Variants in KLRG1 observed in about 807,000 individuals in gnomAD.
KLRG1 encodes killer cell lectin like receptor G1.
In KLRG1, 16 loss-of-function variants were observed where a neutral mutation model predicts 21.8. That is an observed-to-expected ratio of 0.73 (90% CI 0.50 to 1.11). KLRG1 has a LOEUF of 1.11. Among genes scored for constraint, KLRG1 ranks in the 50% most tolerant of loss-of-function variants. The pLI, the probability that KLRG1 is intolerant of heterozygous loss-of-function variation, is 0.00. For missense variants in KLRG1, 173 were observed against 218.3 expected (o/e 0.79, Z 1.31); for synonymous variants, 69 against 75.9 (o/e 0.91, Z 0.47).
At chr12:8,966,559 A>G (rs2137237696) in intron 1 of KLRG1, among the ~76,000 whole-genome samples, 1 of 152,366 alleles carries the variant, frequency 6.6e-6, no homozygotes, top group South Asian at 2.1e-4. Context: ...GAAGGCATTT[A>G]TGCAGCCAAA....
the KLRG1 span, among the ~76,000 whole-genome samples, chr12:9,137,286 A>G: frequency 6.6e-6 from 1 of 152,114 alleles, no homozygotes; most frequent in African/African-American, 2.4e-5. Flanking sequence ...TGAAGGGACT[A>G]TCCATTCCCC....
the KLRG1 span, chr12:9,165,021 C>A: frequency 4.1e-5 from 50 of 1,212,152 alleles, no homozygotes; most frequent in Non-Finnish European, 3.8e-5. Flanking sequence ...TAATTATTCA[C>A]AGTGCTAACA....
chr12:9,175,520 C>T, the KLRG1 span, among the ~76,000 whole-genome samples: 3 of 152,094 alleles, frequency 2.0e-5, no homozygotes, highest in African/African-American at 4.8e-5. Context: ...TTAGAGTGAA[C>T]AGACAACTTT....
chr12:9,169,619 A>G, the KLRG1 span: 2 of 1,549,374 alleles, frequency 1.3e-6, no homozygotes, highest in Non-Finnish European at 1.7e-6. Flanking sequence ...TCAAAGGCAG[A>G]ACTGTTACTT....
intron 3 of KLRG1, among the ~76,000 whole-genome samples, chr12:9,008,427 A>C (rs748341512): frequency 7.2e-5 from 11 of 152,382 alleles, no homozygotes; most frequent in Non-Finnish European, 1.3e-4. Context: ...TACAGCTAAC[A>C]CATCTTTAGA....
At chr12:9,116,993 A>T in the KLRG1 span, among the ~76,000 whole-genome samples, 2 of 152,170 alleles carry the variant, frequency 1.3e-5, no homozygotes, top group African/African-American at 4.8e-5. Flanking sequence ...AGAGCACATA[A>T]CCCAGACCTG....
the KLRG1 span, chr12:9,169,336 G>C: frequency 5.8e-6 from 7 of 1,207,760 alleles, no homozygotes; most frequent in African/African-American, 4.7e-5. Context: ...GAGAGGCAAG[G>C]CTACATAATT....
At chr12:9,099,310 T>C in the KLRG1 span, 3 of 1,446,240 alleles carry the variant, frequency 2.1e-6, no homozygotes, top group Non-Finnish European at 1.9e-6. Flanking sequence ...TGTTCACATG[T>C]GTAAAACAAA....
At chr12:9,019,301 C>A in the KLRG1 span, among the ~76,000 whole-genome samples, 1 of 152,130 alleles carries the variant, frequency 6.6e-6, no homozygotes, top group Non-Finnish European at 1.5e-5. Flanking sequence ...GAAAAGGGAA[C>A]CCTCATACAC....
chr12:9,146,223 C>CT, the KLRG1 span, among the ~76,000 whole-genome samples: 1 of 151,398 alleles, frequency 6.6e-6, no homozygotes, highest in Non-Finnish European at 1.5e-5. Flanking sequence ...ATTTCTTTGT[C>CT]TTTTTTTCTC....
upstream of KLRG1, among the ~76,000 whole-genome samples, chr12:8,984,613 C>CT (rs1364135578): frequency 1.3e-5 from 2 of 152,118 alleles, no homozygotes; most frequent in Non-Finnish European, 2.9e-5. Flanking sequence ...TCACTTGATT[C>CT]TTTTTGGTAG....
At chr12:9,101,089 T>G in the KLRG1 span, 1 of 1,495,350 alleles carries the variant, frequency 6.7e-7, no homozygotes, top group Non-Finnish European at 9.1e-7. Flanking sequence ...TTCCGTGGTG[T>G]AAGGCTGAAT....
At chr12:9,192,264 G>GA in the KLRG1 span, 4 of 1,612,780 alleles carry the variant, frequency 2.5e-6, no homozygotes, top group Admixed American at 6.7e-5. Context: ...GATCTGAAAT[G>GA]AAAAAACAGT....
chr12:9,181,056 G>T, the KLRG1 span: 3 of 1,614,206 alleles, frequency 1.9e-6, no homozygotes, highest in Non-Finnish European at 2.5e-6. Context: ...GGCACAGAGG[G>T]ACTGCGGAGC....
At chr12:9,102,096 A>G in the KLRG1 span, among the ~76,000 whole-genome samples, 1 of 152,232 alleles carries the variant, frequency 6.6e-6, no homozygotes, top group Non-Finnish European at 1.5e-5. Context: ...GGTATTATGA[A>G]TAAATAAAAT....
the KLRG1 span, among the ~76,000 whole-genome samples, chr12:9,118,203 C>T: frequency 3.3e-5 from 5 of 152,158 alleles, no homozygotes; most frequent in Admixed American, 2.6e-4. Flanking sequence ...ACCACTTCTC[C>T]AATTCTGCTT....
chr12:9,034,340 C>T, the KLRG1 span, among the ~76,000 whole-genome samples: 1 of 152,198 alleles, frequency 6.6e-6, no homozygotes, highest in Non-Finnish European at 1.5e-5. Flanking sequence ...GAACCTACTT[C>T]ACTGCCAGTC....
At chr12:9,025,741 C>G in the KLRG1 span, among the ~76,000 whole-genome samples, 1 of 152,156 alleles carries the variant, frequency 6.6e-6, no homozygotes, top group Non-Finnish European at 1.5e-5. Flanking sequence ...GAAGAAGTAA[C>G]CTTGGGTAGA....
the KLRG1 span, among the ~76,000 whole-genome samples, chr12:9,114,302 T>A: frequency 6.6e-6 from 1 of 152,208 alleles, no homozygotes; most frequent in Admixed American, 6.5e-5. Context: ...TTTTTATACA[T>A]TTTTGCTCAC....
Sources: gnomAD v4.1 joint callset for allele counts (sites outside exome capture counted in the v4.1 genomes callset) on GRCh38, gnomAD v4.1.1 for gene constraint, MANE v1.5 for transcripts, NCBI Gene and HGNC (gene_info 2026-07-23, HGNC 2026-07-21) for gene names.